The following KMT2A variants were observed in gnomAD, a reference collection of about 807,000 sequenced individuals.
The protein encoded by KMT2A is histone-lysine N-methyltransferase 2A.
A neutral mutation model predicts 345.3 loss-of-function variants in KMT2A; 16 were observed. That is an observed-to-expected ratio of 0.05 (90% CI 0.03 to 0.07). KMT2A has a LOEUF of 0.07. Ranked by LOEUF, KMT2A falls within the 10% of genes least tolerant of loss-of-function variation. The pLI is 1.00. For synonymous variants in KMT2A, 1,599 were observed against 1,778.6 expected, an observed-to-expected ratio of 0.90 and a Z score of 2.54; for missense variants, 3,272 against 4,841.6, an observed-to-expected ratio of 0.68 and a Z score of 9.62.
chr11:118,507,596 G>A lies in KMT2A; in HGVS notation c.10822G>A (p.Gly3608Arg). The A allele has an allele frequency of 1.2e-6, 2 of 1,613,608 alleles. No individual in the cohort carries two copies. The highest frequency in any genetic ancestry group is 1.7e-6 in the Non-Finnish European group (2 of 1,179,520). ...GGAGCAGTCCTCCCAGAAGGAGTGT[G>A]GGCAACCTGCAGGGTAAGCTGAAGA... ...SVEQSSQKEC[G>R]QPAGQVAVLP... is the part of the protein sequence containing the mutation. The change falls in exon 28 of 36, where the codon GGG becomes AGG. Residue 3608 changes from glycine (G) to arginine (R), a missense_variant. Coordinates refer to ENST00000534358, the MANE Select transcript of KMT2A (RefSeq NM_001197104.2).
rs782434088 is a variant in KMT2A, at chr11:118,501,771, A to C, written c.6419A>C (p.His2140Pro). 6.2e-7 allele frequency: 1 copy of C among 1,614,082 alleles called. No homozygotes were observed. Among genetic ancestry groups the C allele is most frequent in the African/African-American group, 1.3e-5 (1 of 75,020 alleles). ...CAAACCTCTGGCTCCTGTTATTATC[A>C]TGTCATCTCAAAGGTCCCCAGGATT... ...HSQTSGSCYY[H>P]VISKVPRIRT... is the part of the protein sequence containing the mutation. Residue 2140 changes from histidine to proline, a missense_variant, in exon 26 of 36, where the codon CAT becomes CCT. Physicochemically the swap from His to Pro is moderately conservative, Grantham distance 77. Coordinates refer to ENST00000534358, the MANE Select transcript of KMT2A (RefSeq NM_001197104.2).
intron 2 of KMT2A, among the ~76,000 whole-genome samples, chr11:118,470,572 C>A (rs114256542): frequency 2.8e-4 from 43 of 152,230 alleles, no homozygotes; most frequent in African/African-American, 1.0e-3. Context: ...AGCTGTGAAT[C>A]CTTAATCTAT....
chr11:118,441,113 C>T (rs1357367311), intron 1 of KMT2A, among the ~76,000 whole-genome samples: 4 of 152,006 alleles, frequency 2.6e-5, no homozygotes, highest in African/African-American at 9.7e-5. Context: ...TTGGTCAAAT[C>T]AGAATTTCTT....
In KMT2A at chr11:118,505,010, C is replaced by G; in HGVS notation, c.9118C>G (p.Pro3040Ala). 1 of 1,614,138 alleles carries G rather than the reference C, an allele frequency of 6.2e-7. No individual in the cohort carries two copies. Among genetic ancestry groups the G allele is most frequent in the South Asian group, 1.1e-5 (1 of 91,078 alleles). ...CCCTGGCCTTCAGGTACCTGTTTCC[C>G]CAACTGTTCCCATCCAGAACCAGAA... is the stretch of plus-strand genomic sequence containing the variant. ...STPGLQVPVS[P>A]TVPIQNQKYV... Residue 3040 changes from proline to alanine, a missense_variant, in exon 27 of 36, where the codon CCA becomes GCA. Pro to Ala is a conservative substitution (Grantham distance 27, BLOSUM62 -1). Coordinates refer to ENST00000534358, the MANE Select transcript of KMT2A (RefSeq NM_001197104.2). This position sits in a 1 kb window ranked among gnomAD's most constrained non-coding sequence, Gnocchi z 4.6.
chr11:118,493,833 C>T lies in KMT2A; in HGVS notation c.5179-455C>T, dbSNP rs1341806201. Among the ~76,000 whole-genome samples, 1 of 152,080 alleles carries T rather than the reference C, an allele frequency of 6.6e-6. No homozygotes were observed. Among genetic ancestry groups the T allele is most frequent in the East Asian group, 1.9e-4 (1 of 5,194 alleles). On this transcript the variant is annotated intron_variant, in intron 16 of 35. Transcript: ENST00000534358. The surrounding 1 kb of genome is among the most constrained non-coding windows in gnomAD (Gnocchi z 5.8). ...CAAGTGATTCTCCTGCCTCAGCCTC[C>T]CAAGTAGCTGGGATTACATAAGCAT... is the stretch of plus-strand genomic sequence containing the variant.
chr11:118,473,054 T>C lies in KMT2A; in HGVS notation c.1895T>C (p.Phe632Ser). The C allele has an allele frequency of 1.2e-6, 2 of 1,614,196 alleles. No homozygotes were observed. The highest frequency in any genetic ancestry group is 1.7e-6 in the Non-Finnish European group (2 of 1,180,034). ...CATTCTAGGTCAGAGCCACAATACTTTTCCTCAGCAAAGTATGCCAAAGAA... is the reference window on the plus strand; with the variant it reads ...CATTCTAGGTCAGAGCCACAATACTCTTCCTCAGCAAAGTATGCCAAAGAA... ...LKHSRSEPQY[F>S]SSAKYAKEGL... The change falls in exon 3 of 36, where the codon TTT (phenylalanine) becomes TCT (serine). Residue 632 changes from phenylalanine (F) to serine (S), a missense_variant. Around this residue, in one of 27 missense-constraint regions of KMT2A, gnomAD observed 114 missense variants for 203.2 expected, o/e 0.56. Transcript: ENST00000534358. This position sits in a 1 kb window ranked among gnomAD's most constrained non-coding sequence, Gnocchi z 5.2.
intron 1 of KMT2A, chr11:118,449,703 A>G (rs1439725463): frequency 2.0e-5 from 3 of 152,224 alleles, no homozygotes; most frequent in Non-Finnish European, 4.4e-5. Context: ...TCCTTCAGCA[A>G]ACTGACTTTA....
In KMT2A at chr11:118,506,392, G is replaced by A. The variant is rs1950583860; in HGVS notation, c.10500G>A (p.Gln3500=). The part of the protein sequence containing the change: ...VDAPNSMGLE[Q]NKALSSAVQA... The stretch of plus-strand genomic sequence containing the variant: ...CTCCTAATAGCATGGGACTGGAGCA[G>A]AACAAGGCTTTATCCTCAGCTGTGC... Residue 3500 remains glutamine (Q), a synonymous_variant, in exon 27 of 36, where the codon CAG becomes CAA. Transcript: ENST00000534358. 1.9e-6 allele frequency: 3 copies of A among 1,614,198 alleles called. No individual in the cohort carries two copies. The highest frequency in any genetic ancestry group is 4.5e-5 in the East Asian group (2 of 44,888).
At position 118,506,475 on chromosome 11, in the gene KMT2A, C is replaced by T. The variant is rs2134413953; in HGVS notation, c.10583C>T (p.Ser3528Leu). The T allele has an allele frequency of 6.2e-7, 1 of 1,614,224 alleles. No homozygotes were observed. Among genetic ancestry groups the T allele is most frequent in the Non-Finnish European group, 8.5e-7 (1 of 1,180,038 alleles). The part of the protein sequence containing the change: ...SPSSPSSGQR[S>L]ASPSVPGPTK... ...TCCTCTCCATCTTCTGGACAGCGGT[C>T]AGCAAGCCCTTCAGTGCCGGGTCCC... The change falls in exon 27 of 36, where the codon TCA becomes TTA. Residue 3528 changes from serine (S) to leucine (L), a missense_variant. Around this residue, in one of 27 missense-constraint regions of KMT2A, gnomAD observed 748 missense variants for 922.2 expected, o/e 0.81. Transcript: ENST00000534358.
At chr11:118,439,181 A>C in intron 1 of KMT2A, 1 of 405,762 alleles carries the variant, frequency 2.5e-6, no homozygotes, top group Admixed American at 3.5e-5. Flanking sequence ...AAAGAAAAAA[A>C]AGAAAAAACT....
In KMT2A at chr11:118,496,119, C is replaced by G; in HGVS notation, c.5558-142C>G. The G allele has an allele frequency of 2.7e-6, 2 of 727,730 alleles. No homozygotes were observed. Among genetic ancestry groups the G allele is most frequent in the Non-Finnish European group, 4.7e-6 (2 of 429,634 alleles). The allele number at this position is 727,730 out of a possible 1,614,324, so 45.1% of individuals were successfully genotyped here. A position where few individuals can be genotyped will look rare whatever the true frequency, so the allele number is the denominator to read the frequency against. ...ACATAGATGATGAGGTAGCGTAACTCTGAACACTTTTTGAAAAGTGGTTAT... is the reference window on the plus strand; with the variant it reads ...ACATAGATGATGAGGTAGCGTAACTGTGAACACTTTTTGAAAAGTGGTTAT... On this transcript the variant is annotated intron_variant, in intron 19 of 35. Transcript: ENST00000534358. The surrounding 1 kb of genome is among the most constrained non-coding windows in gnomAD (Gnocchi z 4.7).
At position 118,505,988 on chromosome 11, in the gene KMT2A, A is replaced by G. The variant is rs782159152; in HGVS notation, c.10096A>G (p.Thr3366Ala). 3 of 1,614,174 alleles carry G rather than the reference A, an allele frequency of 1.9e-6. No individual in the cohort carries two copies. The highest frequency in any genetic ancestry group is 2.5e-6 in the Non-Finnish European group (3 of 1,180,028). The change falls in exon 27 of 36, where the codon ACC becomes GCC. Residue 3366 changes from threonine (T) to alanine (A), a missense_variant. Thr to Ala is a moderately conservative substitution (Grantham distance 58, BLOSUM62 0). This residue lies in a region of KMT2A where 748 missense variants were observed against 922.2 expected (regional missense o/e 0.81). Transcript: ENST00000534358. The surrounding 1 kb of genome is among the most constrained non-coding windows in gnomAD (Gnocchi z 4.6). ...TSSASVPGHVTLTNPRLLGTP... is the reference protein window; with the variant it reads ...TSSASVPGHVALTNPRLLGTP... Reference sequence around the variant, plus strand: ...TAGTGCGTCAGTTCCAGGACACGTCACCTTAACCAACCCAAGGTTGCTTGG... The same window carrying G: ...TAGTGCGTCAGTTCCAGGACACGTCGCCTTAACCAACCCAAGGTTGCTTGG...
chr11:118,437,751 C>G (rs982210389), intron 1 of KMT2A, among the ~76,000 whole-genome samples: 24 of 152,058 alleles, frequency 1.6e-4, no homozygotes, highest in Middle Eastern at 3.4e-3. Flanking sequence ...CTTCACTCCA[C>G]CCTTTCCCTC....
Position 118,504,825 on chromosome 11 carries a change from C to T in KMT2A, c.8933C>T (p.Ala2978Val), listed in dbSNP as rs2134401744. 1 of 1,614,152 alleles carries T rather than the reference C, an allele frequency of 6.2e-7. No homozygotes were observed. The highest frequency in any genetic ancestry group is 8.5e-7 in the Non-Finnish European group (1 of 1,180,026). ...KSVASSESDP[A>V]LLSPGVDPTP... is the part of the protein sequence containing the mutation. ...GTAGCCTCCTCTGAAAGTGACCCAG[C>T]ACTGCTGAGCCCAGGAGTAGATCCA... The change falls in exon 27 of 36, where the codon GCA (alanine) becomes GTA (valine). Residue 2978 changes from alanine to valine, a missense_variant. By Grantham distance (64) the Ala-to-Val change is moderately conservative (BLOSUM62 0). Around this residue, in one of 27 missense-constraint regions of KMT2A, gnomAD observed 748 missense variants for 922.2 expected, o/e 0.81. Transcript: ENST00000534358. The surrounding 1 kb of genome is among the most constrained non-coding windows in gnomAD (Gnocchi z 6.4).
chr11:118,523,091 T>G lies in KMT2A; in HGVS notation c.*919T>G, dbSNP rs948793037. On this transcript the variant is annotated 3_prime_UTR_variant, in exon 36 of 36. Transcript: ENST00000534358. ...TAACCAGACAGAATTTGGAAACATTTTCATAAAGCTCCATGGAGAGTTTTA... is the reference window on the plus strand; with the variant it reads ...TAACCAGACAGAATTTGGAAACATTGTCATAAAGCTCCATGGAGAGTTTTA... 47 of 221,848 alleles carry G rather than the reference T, an allele frequency of 2.1e-4. No homozygotes were observed. The highest frequency in any genetic ancestry group is 1.0e-3 in the African/African-American group (46 of 44,672). 13.7% of individuals were successfully genotyped at this position (221,848 alleles called of 1,614,324 possible). A position where few individuals can be genotyped will look rare whatever the true frequency, so the allele number is the denominator to read the frequency against.
intron 2 of KMT2A, among the ~76,000 whole-genome samples, chr11:118,471,200 C>G (rs1591373122): frequency 6.6e-6 from 1 of 152,144 alleles, no homozygotes. Flanking sequence ...GATTGAAGAG[C>G]AGCGTATTCA....
rs1555043788 is a variant in KMT2A, at chr11:118,495,745, T to C, written c.5409T>C (p.His1803=). 6.2e-7 allele frequency: 1 copy of C among 1,613,698 alleles called. No homozygotes were observed. Among genetic ancestry groups the C allele is most frequent in the South Asian group, 1.1e-5 (1 of 91,038 alleles). Residue 1803 remains histidine, a synonymous_variant, in exon 19 of 36, where the codon CAT becomes CAC. Coordinates refer to ENST00000534358, the MANE Select transcript of KMT2A (RefSeq NM_001197104.2). This position sits in a 1 kb window ranked among gnomAD's most constrained non-coding sequence, Gnocchi z 4.1. ...PNAVLPPSLD[H]NYAQWQEREE... The stretch of plus-strand genomic sequence containing the variant: ...CAGTGCTTCCACCTTCACTTGACCA[T>C]AATTATGCTCAGTGGCAGGAGCGAG...
Position 118,522,977 on chromosome 11 carries a change from A to T in KMT2A, c.*805A>T, listed in dbSNP as rs1951003808. 1 of 223,662 alleles carries T rather than the reference A, an allele frequency of 4.5e-6. No homozygotes were observed. 13.9% of individuals were successfully genotyped at this position (223,662 alleles called of 1,614,324 possible). On this transcript the variant is annotated 3_prime_UTR_variant, in exon 36 of 36. Transcript: ENST00000534358. The surrounding 1 kb of genome is among the most constrained non-coding windows in gnomAD (Gnocchi z 5.4). ...GGAGACTGACTGCCTGCTCAAGGAC[A>T]CTCCCTGCTGGGCATAGGATGTGCC... is the stretch of plus-strand genomic sequence containing the variant.
intron 25 of KMT2A, 76 bp from the exon 26 acceptor site, chr11:118,501,596 C>G: frequency 1.6e-6 from 2 of 1,273,852 alleles, no homozygotes; most frequent in Non-Finnish European, 2.2e-6. Flanking sequence ...TACCTGATAG[C>G]TGACTTTTTA....
Sources: allele counts gnomAD v4.1 joint callset (sites outside exome capture counted in the v4.1 genomes callset), GRCh38; gene constraint gnomAD v4.1.1; regional missense constraint gnomAD v4.1.1; non-coding constraint Gnocchi (gnomAD v3.1); transcripts MANE v1.5; gene names NCBI Gene and HGNC (gene_info 2026-07-23, HGNC 2026-07-21).